Variants in GCFC2 observed in about 807,000 individuals in gnomAD.
The protein encoded by GCFC2 is GC-rich sequence DNA-binding factor 2.
GCFC2 carries 102 observed loss-of-function variants against 99.4 expected under a neutral mutation model. The ratio of observed to expected loss-of-function variants is 1.03; its 90% CI spans 0.87 to 1.21. The LOEUF (loss-of-function observed/expected upper bound fraction) is 1.21. Among genes scored for constraint, GCFC2 ranks in the 50% most tolerant of loss-of-function variants. The pLI is 0.00. For synonymous variants in GCFC2, 338 were observed against 316.8 expected, an observed-to-expected ratio of 1.07 and a Z score of -0.71; for missense variants, 973 against 920.9, an observed-to-expected ratio of 1.06 and a Z score of -0.73.
intron 11 of GCFC2, among the ~76,000 whole-genome samples, chr2:75,686,321 G>C (rs973039541): frequency 6.6e-5 from 10 of 152,014 alleles, no homozygotes; most frequent in African/African-American, 2.2e-4. Context: ...GGCTGGTCTG[G>C]AACTCCTGTG....
At chr2:75,693,367 G>A (rs1234804617) in intron 6 of GCFC2, among the ~76,000 whole-genome samples, 1 of 152,156 alleles carries the variant, frequency 6.6e-6, no homozygotes, top group East Asian at 1.9e-4. Flanking sequence ...TTGAACCTAG[G>A]AGGCAGAGGT....
intron 8 of GCFC2, 50 bp from the exon 9 acceptor site, chr2:75,690,131 T>C (rs774398823): frequency 2.3e-5 from 23 of 981,614 alleles, no homozygotes; most frequent in Admixed American, 6.9e-5. Context: ...TAGTTCTTGC[T>C]GAAAATAAAT....
rs760785073 is a variant in GCFC2 at position 75,710,600 on chromosome 2, C to T, written c.256G>A (p.Glu86Lys). ...GCGTCTCCCTGGACACCTGAGCCTTCGTCCGCGCGGGGAGCCGCTTTGGTG... is the reference window on the plus strand; with the variant it reads ...GCGTCTCCCTGGACACCTGAGCCTTTGTCCGCGCGGGGAGCCGCTTTGGTG... The part of the protein sequence containing the change: ...RATKAAPRAD[E>K]GSESRTLDVS... Residue 86 changes from glutamate (E) to lysine (K), a missense_variant, in exon 1 of 17, where the codon GAA (glutamate) becomes AAA (lysine). By Grantham distance (56) the Glu-to-Lys change is moderately conservative (BLOSUM62 1). Coordinates refer to ENST00000321027, the MANE Select transcript of GCFC2 (RefSeq NM_003203.5). 1.3e-6 allele frequency: 2 copies of T among 1,514,468 alleles called. No individual in the cohort carries two copies. Among genetic ancestry groups the T allele is most frequent in the South Asian group, 1.2e-5 (1 of 81,856 alleles). The allele number at this position is 1,514,468 out of a possible 1,614,324, so 93.8% of individuals were successfully genotyped here. A position where few individuals can be genotyped will look rare whatever the true frequency, so the allele number is the denominator to read the frequency against.
chr2:75,694,986 T>C (rs1680243318), intron 5 of GCFC2, among the ~76,000 whole-genome samples: 1 of 152,058 alleles, frequency 6.6e-6, no homozygotes, highest in Admixed American at 6.5e-5. Context: ...GGTTATTTTA[T>C]TTTTTAACAA....
rs958959141 is a variant in GCFC2 at position 75,702,434 on chromosome 2, C to G, written c.395-11G>C. On this transcript the variant is annotated splice_polypyrimidine_tract_variant and intron_variant, in intron 2 of 16. Transcript: ENST00000321027. ...CATCTGGGATCTTAACTGAAGGAAA[C>G]AAAGACGAGGACACTAAAAACCAAA... 2 of 1,607,494 alleles carry G rather than the reference C, an allele frequency of 1.2e-6. No homozygotes were observed. Among genetic ancestry groups the G allele is most frequent in the Non-Finnish European group, 1.7e-6 (2 of 1,176,078 alleles).
intron 2 of GCFC2, among the ~76,000 whole-genome samples, chr2:75,705,631 A>AT (rs985070643): frequency 6.6e-6 from 1 of 150,940 alleles, no homozygotes; most frequent in Non-Finnish European, 1.5e-5. Context: ...AAAAAAAAAA[A>AT]AAAAAAGAAG....
At chr2:75,701,000 G>A (rs930918467) in intron 4 of GCFC2, among the ~76,000 whole-genome samples, 190 bp downstream of exon 4, 5 of 152,182 alleles carry the variant, frequency 3.3e-5, no homozygotes, top group Non-Finnish European at 7.4e-5. Flanking sequence ...CAAAAGGCAA[G>A]GAAGAATTAC....
At position 75,677,977 on chromosome 2, in the gene GCFC2, C is replaced by CA. The variant is rs1308285431; in HGVS notation, c.1812+2215dup. ...TGGGTGACAGAGCAAGACTCCGCCT[C>CA]AAAAAAAAAAAAAAGACTTCATGAG... On this transcript the variant is annotated intron_variant, in intron 12 of 16. Coordinates refer to ENST00000321027, the MANE Select transcript of GCFC2 (RefSeq NM_003203.5). Among the ~76,000 whole-genome samples the CA allele has an allele frequency of 7.8e-3, 806 of 103,638 alleles. 3 individuals carry two copies. The highest frequency in any genetic ancestry group is 0.018 in the African/African-American group (495 of 27,460). The allele number at this position is 103,638 out of a possible 152,430, so 68.0% of individuals were successfully genotyped here. A position where few individuals can be genotyped will look rare whatever the true frequency, so the allele number is the denominator to read the frequency against.
Position 75,687,901 on chromosome 2 carries a change from G to C in GCFC2, c.1616C>G (p.Ser539Ter), listed in dbSNP as rs762696119. Residue 539 changes from serine to a stop codon, truncating the protein, a stop_gained, in exon 11 of 17, where the codon TCA (serine) becomes TGA (stop). Transcript: ENST00000321027. LOFTEE classifies it high-confidence loss of function. ...EEFMDSSVEDSKKESSSDKKV... is the reference protein window; with the variant it reads ...EEFMDSSVED ...TTTATCTGAACTACTTTCCTTCTTT[G>C]AATCTTCCACACTGCTATCCATAAA... 7 of 1,602,390 alleles carry C rather than the reference G, an allele frequency of 4.4e-6. No homozygotes were observed. Among genetic ancestry groups the C allele is most frequent in the Non-Finnish European group, 6.0e-6 (7 of 1,170,440 alleles).
chr2:75,677,975 C>T (rs547723639), intron 12 of GCFC2, among the ~76,000 whole-genome samples: 1 of 146,730 alleles, frequency 6.8e-6, no homozygotes, highest in Non-Finnish European at 1.5e-5. Context: ...AAGACTCCGC[C>T]TCAAAAAAAA....
At chr2:75,666,249 C>G (rs1678830904) in intron 15 of GCFC2, among the ~76,000 whole-genome samples, 196 bp from the exon 16 acceptor site, 1 of 152,280 alleles carries the variant, frequency 6.6e-6, no homozygotes, top group South Asian at 2.1e-4. Flanking sequence ...ATGCTAAGAA[C>G]TTAAAATACA....
intron 8 of GCFC2, 80 bp downstream of exon 8, chr2:75,690,558 T>G: frequency 1.3e-6 from 1 of 768,002 alleles, no homozygotes; most frequent in Non-Finnish European, 2.3e-6. Flanking sequence ...GTTAATGACA[T>G]CATGTGGTTA....
rs187753357 is a variant in GCFC2, at chr2:75,673,999, C to T, written c.1813-479G>A. On this transcript the variant is annotated intron_variant, in intron 12 of 16. Coordinates refer to ENST00000321027, the MANE Select transcript of GCFC2 (RefSeq NM_003203.5). ...TAAATCCTGTTTCACTACATACTTA[C>T]GATAATTGGCATTTTCTTGTTTTTT... Among the ~76,000 whole-genome samples the T allele has an allele frequency of 9.1e-4, 139 of 152,262 alleles. 1 individual carries two copies. The highest frequency in any genetic ancestry group is 3.4e-3 in the Middle Eastern group (1 of 294).
chr2:75,710,566 C>G lies in GCFC2; in HGVS notation c.265+25G>C, dbSNP rs1029312810. On this transcript the variant is annotated intron_variant, in intron 1 of 16. Coordinates refer to ENST00000321027, the MANE Select transcript of GCFC2 (RefSeq NM_003203.5). ...TTCCCGCCCTGTGCCGTCACCTCCC[C>G]GCTTCCCCGCGTCTCCCTGGACACC... The G allele has an allele frequency of 4.7e-6, 7 of 1,479,352 alleles. No homozygotes were observed. In the African/African-American group the frequency reaches 5.8e-5, roughly 12 times the overall value. The allele number at this position is 1,479,352 out of a possible 1,614,324, so 91.6% of individuals were successfully genotyped here.
upstream of GCFC2, among the ~76,000 whole-genome samples, chr2:75,712,763 C>T (rs1168863017): frequency 6.6e-6 from 1 of 152,024 alleles, no homozygotes; most frequent in East Asian, 1.9e-4. Context: ...CACATCTGAA[C>T]ATCAGAAGGG....
Position 75,707,357 on chromosome 2 carries a change from T to C in GCFC2, c.266-706A>G, listed in dbSNP as rs58416205. ...CACCAAGATAAAACCCACAGGGGTG[T>C]TGTGAAAATTGAATGAACAAAATAA... is the stretch of plus-strand genomic sequence containing the variant. On this transcript the variant is annotated intron_variant, in intron 1 of 16. Coordinates refer to ENST00000321027, the MANE Select transcript of GCFC2 (RefSeq NM_003203.5). 8.2e-3 allele frequency among the ~76,000 whole-genome samples: 1,247 copies of C among 152,314 alleles called. 14 individuals are homozygous for C. The highest frequency in any genetic ancestry group is 0.028 in the African/African-American group (1,172 of 41,560).
chr2:75,688,110 TA>T (rs1323439573), intron 10 of GCFC2, 133 bp from the exon 11 acceptor site: 1 of 599,902 alleles, frequency 1.7e-6, no homozygotes, highest in Non-Finnish European at 2.8e-6. Context: ...ATTTTAACAC[TA>T]GACCACCAAG....
chr2:75,712,104 C>T (rs987625320), upstream of GCFC2, among the ~76,000 whole-genome samples: 1 of 152,156 alleles, frequency 6.6e-6, no homozygotes, highest in Non-Finnish European at 1.5e-5. Flanking sequence ...CCAATCAGCA[C>T]TCTGTATCTG....
intron 12 of GCFC2, among the ~76,000 whole-genome samples, chr2:75,678,695 T>C (rs1679448969): frequency 6.6e-6 from 1 of 152,218 alleles, no homozygotes; most frequent in Admixed American, 6.5e-5. Flanking sequence ...TGCTCATTCA[T>C]AGTAGCACTG....
Sources: allele counts gnomAD v4.1 joint callset (sites outside exome capture counted in the v4.1 genomes callset), GRCh38; gene constraint gnomAD v4.1.1; transcripts MANE v1.5; gene names NCBI Gene and HGNC (gene_info 2026-07-23, HGNC 2026-07-21).